IFT56: variants seen among roughly 807,000 people sequenced by gnomAD.
The protein encoded by IFT56 is intraflagellar transport protein 56.
the IFT56 span, among the ~76,000 whole-genome samples, chr7:139,138,836 A>G: frequency 7.1e-6 from 1 of 141,840 alleles, no homozygotes; most frequent in African/African-American, 2.7e-5. Flanking sequence ...TTTGATACGG[A>G]GTCTTGCTCT....
At chr7:139,147,121 T>G in the IFT56 span, 1 of 1,610,344 alleles carries the variant, frequency 6.2e-7, no homozygotes. Flanking sequence ...TCTTTACATG[T>G]CTTTTCCACT....
chr7:139,153,690 T>A, the IFT56 span, among the ~76,000 whole-genome samples: 1 of 152,216 alleles, frequency 6.6e-6, no homozygotes, highest in African/African-American at 2.4e-5. Flanking sequence ...CAAATAATAT[T>A]TCGTTTTATG....
the IFT56 span, among the ~76,000 whole-genome samples, chr7:139,146,639 C>T: frequency 2.0e-5 from 3 of 151,756 alleles, no homozygotes; most frequent in African/African-American, 4.8e-5. Flanking sequence ...TGGTGGCATG[C>T]GCCTGTAATC....
At chr7:139,168,425 A>C in the IFT56 span, 1 of 1,586,640 alleles carries the variant, frequency 6.3e-7, no homozygotes, top group Non-Finnish European at 8.7e-7. Flanking sequence ...GATAATCTAT[A>C]GGTTGCAAAG....
the IFT56 span, among the ~76,000 whole-genome samples, chr7:139,146,339 AAAC>A: frequency 2.6e-5 from 4 of 152,240 alleles, no homozygotes; most frequent in Admixed American, 6.5e-5. Flanking sequence ...TGACAATCTC[AAAC>A]AACAACAATA....
At chr7:139,135,935 T>G in the IFT56 span, among the ~76,000 whole-genome samples, 1 of 152,296 alleles carries the variant, frequency 6.6e-6, no homozygotes, top group Admixed American at 6.5e-5. Context: ...TCTTTTTTCT[T>G]TTTTTGAGTT....
the IFT56 span, among the ~76,000 whole-genome samples, chr7:139,158,962 C>T: frequency 6.6e-6 from 1 of 152,088 alleles, no homozygotes; most frequent in African/African-American, 2.4e-5. Flanking sequence ...ATAAACCCAG[C>T]TTCATCATGG....
chr7:139,191,223 G>A, the IFT56 span: 1 of 152,162 alleles, frequency 6.6e-6, no homozygotes, highest in Non-Finnish European at 1.5e-5. Flanking sequence ...AGGAAGCAAA[G>A]CTACATCTTT....
At chr7:139,173,650 T>C in the IFT56 span, 1 of 777,082 alleles carries the variant, frequency 1.3e-6, no homozygotes, top group South Asian at 1.3e-5. Context: ...TCTTTTCTTC[T>C]GGGATATAAT....
the IFT56 span, chr7:139,166,809 A>C: frequency 7.5e-7 from 1 of 1,341,276 alleles, no homozygotes. Context: ...TCTGGAATAC[A>C]GACTAGTATA....
At chr7:139,153,454 A>AT in the IFT56 span, among the ~76,000 whole-genome samples, 1 of 151,966 alleles carries the variant, frequency 6.6e-6, no homozygotes, top group Admixed American at 6.6e-5. Flanking sequence ...CTCAAAAAAA[A>AT]AAAAAAGTCA....
the IFT56 span, among the ~76,000 whole-genome samples, chr7:139,137,099 G>A: frequency 1.3e-5 from 2 of 151,938 alleles, no homozygotes; most frequent in African/African-American, 4.8e-5. Context: ...ATAAATATGT[G>A]TTGGCTCACT....
chr7:139,162,966 A>T, the IFT56 span, among the ~76,000 whole-genome samples: 6 of 150,792 alleles, frequency 4.0e-5, no homozygotes, highest in African/African-American at 1.5e-4. Flanking sequence ...CTCAAAAAAA[A>T]AAAAAAGTAC....
At chr7:139,153,143 C>T in the IFT56 span, among the ~76,000 whole-genome samples, 1 of 136,846 alleles carries the variant, frequency 7.3e-6, no homozygotes, top group African/African-American at 3.2e-5. Flanking sequence ...AGCAAGACTC[C>T]GTCTCCGGAA....
the IFT56 span, among the ~76,000 whole-genome samples, chr7:139,157,139 C>CTT: frequency 0.023 from 1,886 of 81,980 alleles, 44 homozygotes; most frequent in Non-Finnish European, 0.033. Context: ...TCTTTAATTT[C>CTT]TTTTTTTTTT....
chr7:139,152,434 A>G, the IFT56 span, among the ~76,000 whole-genome samples: 1 of 152,170 alleles, frequency 6.6e-6, no homozygotes, highest in Non-Finnish European at 1.5e-5. Flanking sequence ...ATCACTTCTG[A>G]TATTATCTTC....
chr7:139,133,966 G>GTAATC, the IFT56 span: 28 of 1,377,112 alleles, frequency 2.0e-5, no homozygotes, highest in Middle Eastern at 5.4e-4. Flanking sequence ...TCCGCAGAGA[G>GTAATC]TAATCCCCAG....
chr7:139,187,627 A>G, the IFT56 span: 1 of 1,482,710 alleles, frequency 6.7e-7, no homozygotes, highest in Non-Finnish European at 9.3e-7. Flanking sequence ...ATCTTCTGAA[A>G]ACACATGATT....
the IFT56 span, among the ~76,000 whole-genome samples, chr7:139,176,381 T>TA: frequency 6.6e-6 from 1 of 152,096 alleles, no homozygotes. Flanking sequence ...AGTAGATTAA[T>TA]AAAAAATATT....
Sources: allele counts gnomAD v4.1 joint callset (sites outside exome capture counted in the v4.1 genomes callset), GRCh38; gene constraint gnomAD v4.1.1; transcripts MANE v1.5; gene names NCBI Gene and HGNC (gene_info 2026-07-23, HGNC 2026-07-21).